The following SLC22A13 variants were observed in gnomAD, a reference collection of about 807,000 sequenced individuals.
SLC22A13 encodes solute carrier family 22 member 13, also known as organic anion transporter 10.
A neutral mutation model predicts 49.1 loss-of-function variants in SLC22A13; 42 were observed. The observed-to-expected ratio is 0.85, with a 90% CI of 0.67 to 1.11. The LOEUF is 1.11. SLC22A13 is among the 50% of genes least tolerant of loss of function. The probability of loss-of-function intolerance (pLI) is 0.00; values close to 1 mark genes in which losing one functional copy is unlikely to be tolerated. For missense variants in SLC22A13, 694 were observed against 712.8 expected (o/e 0.97, Z 0.30); for synonymous variants, 282 against 293.1 (o/e 0.96, Z 0.39).
chr3:38,274,972 C>T lies in SLC22A13; in HGVS notation c.638-17C>T. 1 of 1,612,470 alleles carries T rather than the reference C, an allele frequency of 6.2e-7. No individual in the cohort carries two copies. The highest frequency in any genetic ancestry group is 8.5e-7 in the Non-Finnish European group (1 of 1,178,594). ...ATGGCAGGGATTAGCCCTGTCTCAA[C>T]CTCTCCATTGCCACAGTGACAGAAT... is the stretch of plus-strand genomic sequence containing the variant. On this transcript the variant is annotated splice_polypyrimidine_tract_variant and intron_variant, in intron 3 of 9. Transcript: ENST00000311856.
intron 1 of SLC22A13, 63 bp from the exon 2 acceptor site, chr3:38,274,209 A>C: frequency 8.4e-7 from 1 of 1,187,942 alleles, no homozygotes; most frequent in South Asian, 1.2e-5. Flanking sequence ...GTAGTGGGAC[A>C]GGTGGTGTAG....
intron 1 of SLC22A13, among the ~76,000 whole-genome samples, chr3:38,274,070 A>G (rs1022336675): frequency 6.6e-6 from 1 of 152,250 alleles, no homozygotes; most frequent in Admixed American, 6.5e-5. Flanking sequence ...GTGTGATATC[A>G]GAGAGATGTC....
Position 38,275,441 on chromosome 3 carries a change from A to G in SLC22A13, c.878A>G (p.Lys293Arg), listed in dbSNP as rs746248893. 2 of 1,614,110 alleles carry G rather than the reference A, an allele frequency of 1.2e-6. No individual in the cohort carries two copies. Among genetic ancestry groups the G allele is most frequent in the Non-Finnish European group, 1.7e-6 (2 of 1,180,042 alleles). ...GACGAGGCGATACAACTGATCCAGA[A>G]GGCGGCCTCGGTCAATAGGCGGAAA... ...RMDEAIQLIQ[K>R]AASVNRRKLS... The change falls in exon 5 of 10, where the codon AAG becomes AGG. Residue 293 changes from lysine (K) to arginine (R), a missense_variant. By Grantham distance (26) the Lys-to-Arg change is conservative. Coordinates refer to ENST00000311856, the MANE Select transcript of SLC22A13 (RefSeq NM_004256.4).
intron 1 of SLC22A13, among the ~76,000 whole-genome samples, chr3:38,271,064 G>A (rs1703514987): frequency 6.6e-6 from 1 of 152,174 alleles, no homozygotes; most frequent in Admixed American, 6.5e-5. Flanking sequence ...TATGAGGAAG[G>A]GTTCTGCCCA....
At chr3:38,270,681 C>T (rs575499857) in intron 1 of SLC22A13, 1 of 164,406 alleles carries the variant, frequency 6.1e-6, no homozygotes, top group South Asian at 1.6e-4. Context: ...GGTACATTTT[C>T]AGATGTAAAT....
In SLC22A13 at chr3:38,278,521, A is replaced by G. The variant is rs1314773577; in HGVS notation, c.*1056A>G. Reference sequence around the variant, plus strand: ...CCTACAGCTGGCAGCCCCTGACCCAACCAAGATGGCCTTCTTGGCTGGGCG... The same window carrying G: ...CCTACAGCTGGCAGCCCCTGACCCAGCCAAGATGGCCTTCTTGGCTGGGCG... On this transcript the variant is annotated 3_prime_UTR_variant, in exon 10 of 10. Transcript: ENST00000311856. 6.6e-6 allele frequency among the ~76,000 whole-genome samples: 1 copy of G among 151,972 alleles called. No individual in the cohort carries two copies. The highest frequency in any genetic ancestry group is 1.5e-5 in the Non-Finnish European group (1 of 67,996).
In SLC22A13 at chr3:38,278,445, TC is replaced by T. The variant is rs1703611763; in HGVS notation, c.*982del. Reference sequence around the variant, plus strand: ...AATATGCTCCCAATGCACTCCCAGCTCCTCTTGGGACCCTTCTCCAGCCCCA... The same window carrying T: ...AATATGCTCCCAATGCACTCCCAGCTCTCTTGGGACCCTTCTCCAGCCCCA... On this transcript the variant is annotated 3_prime_UTR_variant, in exon 10 of 10. Transcript: ENST00000311856. 1 of 152,398 alleles carries T rather than the reference TC, an allele frequency of 6.6e-6. No individual in the cohort carries two copies. The highest frequency in any genetic ancestry group is 2.4e-5 in the African/African-American group (1 of 41,446). The allele number at this position is 152,398 out of a possible 1,614,324, so 9.4% of individuals were successfully genotyped here.
In SLC22A13 at chr3:38,276,988, G is replaced by A; in HGVS notation, c.1423G>A (p.Glu475Lys). Residue 475 changes from glutamate to lysine, a missense_variant, in exon 9 of 10, where the codon GAG becomes AAG. By Grantham distance (56) the Glu-to-Lys change is moderately conservative. Transcript: ENST00000311856. ...ILTPLVILLG[E>K]YHAALPMLIY... ...CACACCACTTGTGATCCTGCTGGGA[G>A]AGTACCACGCTGCCCTCCCCATGCT... 6.2e-7 allele frequency: 1 copy of A among 1,613,158 alleles called. No homozygotes were observed. Among genetic ancestry groups the A allele is most frequent in the East Asian group, 2.2e-5 (1 of 44,830 alleles).
In SLC22A13 at chr3:38,275,889, G is replaced by T; in HGVS notation, c.1030G>T (p.Asp344Tyr). Residue 344 changes from aspartate to tyrosine, a missense_variant, in exon 7 of 10, where the codon GAC (aspartate) becomes TAC (tyrosine). Asp to Tyr is a radical substitution (Grantham distance 160). Transcript: ENST00000311856. ...CCCTTCATTACCTTGTAGGTTTGTGGACAGTCTGGGGTACTACGGCCTGAG... is the reference window on the plus strand; with the variant it reads ...CCCTTCATTACCTTGTAGGTTTGTGTACAGTCTGGGGTACTACGGCCTGAG... ...TLIIFCVWFVDSLGYYGLSLQ... is the reference protein window; with the variant it reads ...TLIIFCVWFVYSLGYYGLSLQ... 1 of 1,614,042 alleles carries T rather than the reference G, an allele frequency of 6.2e-7. No homozygotes were observed.
In SLC22A13 at chr3:38,266,280, C is replaced by G. The variant is rs1298752602; in HGVS notation, c.378+42C>G. On this transcript the variant is annotated intron_variant, in intron 1 of 9. Transcript: ENST00000311856. ...GCTGGTCTCTCCACCGGTTGTGGGT[C>G]TGTCAGGTCTTGTGCCTGACTCTTC... The G allele has an allele frequency of 4.4e-6, 7 of 1,591,394 alleles. No individual in the cohort carries two copies. The South Asian group carries it at 4.6e-5, about 10-fold the overall frequency.
intron 1 of SLC22A13, among the ~76,000 whole-genome samples, chr3:38,267,955 G>A (rs1219115849): frequency 1.3e-5 from 2 of 152,194 alleles, no homozygotes; most frequent in Non-Finnish European, 2.9e-5. Context: ...CCTGCAATGG[G>A]GTCAGGGTGG....
rs1300840600 is a variant in SLC22A13, at chr3:38,277,828, T to C, written c.*363T>C. 1 of 175,382 alleles carries C rather than the reference T, an allele frequency of 5.7e-6. No individual in the cohort carries two copies. Among genetic ancestry groups the C allele is most frequent in the Admixed American group, 5.9e-5 (1 of 16,878 alleles). The allele number at this position is 175,382 out of a possible 1,614,324, so 10.9% of individuals were successfully genotyped here. On this transcript the variant is annotated 3_prime_UTR_variant, in exon 10 of 10. Transcript: ENST00000311856. ...CCCCTGCCCTCAAAACACAGTGATG[T>C]TCAGAACAGAACACAAGGTAAGCCC...
chr3:38,267,002 C>T (rs1034927678), intron 1 of SLC22A13, among the ~76,000 whole-genome samples: 1 of 152,276 alleles, frequency 6.6e-6, no homozygotes, highest in East Asian at 1.9e-4. Context: ...CTGGGGCTCT[C>T]ATGCCAGATA....
rs1191811913 is a variant in SLC22A13 at position 38,277,752 on chromosome 3, C to A, written c.*287C>A. 3.5e-6 allele frequency: 1 copy of A among 283,532 alleles called. No individual in the cohort carries two copies. The highest frequency in any genetic ancestry group is 4.8e-5 in the Admixed American group (1 of 20,936). The allele number at this position is 283,532 out of a possible 1,614,324, so 17.6% of individuals were successfully genotyped here. ...GGGTATGTCTTGGAATTAACTTGTC[C>A]TCTAACAATCTTCATGGGGTATGGC... On this transcript the variant is annotated 3_prime_UTR_variant, in exon 10 of 10. Coordinates refer to ENST00000311856, the MANE Select transcript of SLC22A13 (RefSeq NM_004256.4).
In SLC22A13 at chr3:38,276,968, C is replaced by A. The variant is rs1218847052; in HGVS notation, c.1403C>A (p.Pro468Gln). The A allele has an allele frequency of 1.2e-6, 2 of 1,613,802 alleles. No homozygotes were observed. ...TCACGGATCGGGGGCATCCTCACAC[C>A]ACTTGTGATCCTGCTGGGAGAGTAC... ...IFSRIGGILT[P>Q]LVILLGEYHA... The change falls in exon 9 of 10, where the codon CCA becomes CAA. Residue 468 changes from proline to glutamine, a missense_variant. Transcript: ENST00000311856.
chr3:38,275,352 G>A lies in SLC22A13; in HGVS notation c.807-18G>A, dbSNP rs1223533016. 3.1e-6 allele frequency: 5 copies of A among 1,613,996 alleles called. No homozygotes were observed. The African/African-American group carries it at 6.7e-5, about 22-fold the overall frequency. On this transcript the variant is annotated intron_variant, in intron 4 of 9. Transcript: ENST00000311856. ...TAGGACTCCAGGCCCCAAGGTCATA[G>A]CCGTTGCTGACCCACAGGGCTCTGC...
Position 38,275,580 on chromosome 3 carries a change from G to T in SLC22A13, c.930G>T (p.Leu310=), listed in dbSNP as rs1703570780. The change falls in exon 6 of 10, where the codon CTG becomes CTT. Residue 310 remains leucine, a splice_region_variant and synonymous_variant. Coordinates refer to ENST00000311856, the MANE Select transcript of SLC22A13 (RefSeq NM_004256.4). The part of the protein sequence containing the change: ...RKLSPELMNQ[L]VPEKTGPSGN... Reference sequence around the variant, plus strand: ...CTCACTCTGCTTCTTCCTCCCAGCTGGTCCCAGAGAAGACAGGCCCCTCAG... The same window carrying T: ...CTCACTCTGCTTCTTCCTCCCAGCTTGTCCCAGAGAAGACAGGCCCCTCAG... 6.2e-7 allele frequency: 1 copy of T among 1,614,004 alleles called. No homozygotes were observed. Among genetic ancestry groups the T allele is most frequent in the South Asian group, 1.1e-5 (1 of 91,086 alleles).
At chr3:38,271,738 T>A (rs1407362617) in intron 1 of SLC22A13, among the ~76,000 whole-genome samples, 1 of 152,008 alleles carries the variant, frequency 6.6e-6, no homozygotes, top group East Asian at 1.9e-4. Flanking sequence ...GCCTGGCATA[T>A]TTAGGAATGC....
Position 38,266,111 on chromosome 3 carries a change from T to C in SLC22A13, c.251T>C (p.Leu84Pro). Residue 84 changes from leucine (L) to proline (P), a missense_variant, in exon 1 of 10, where the codon CTC becomes CCC. Coordinates refer to ENST00000311856, the MANE Select transcript of SLC22A13 (RefSeq NM_004256.4). The stretch of plus-strand genomic sequence containing the variant: ...ACTGCAGGTCACCCAGAGCCCTGCC[T>C]CATGTTCCGGCCACCCCCCGCCAAT... ...LDTAGHPEPCLMFRPPPANAS... is the reference protein window; with the variant it reads ...LDTAGHPEPCPMFRPPPANAS... 1 of 1,614,126 alleles carries C rather than the reference T, an allele frequency of 6.2e-7. No individual in the cohort carries two copies. Among genetic ancestry groups the C allele is most frequent in the Middle Eastern group, 1.6e-4 (1 of 6,062 alleles).
Sources: allele counts gnomAD v4.1 joint callset (sites outside exome capture counted in the v4.1 genomes callset), GRCh38; gene constraint gnomAD v4.1.1; transcripts MANE v1.5; gene names NCBI Gene and HGNC (gene_info 2026-07-23, HGNC 2026-07-21).